Variants in PCTP observed in about 807,000 individuals in gnomAD.
PCTP encodes START domain-containing protein 2.
In PCTP, 27 loss-of-function variants were observed where a neutral mutation model predicts 31.0. That is an observed-to-expected ratio of 0.87 (90% CI 0.64 to 1.20). The LOEUF (loss-of-function observed/expected upper bound fraction) is 1.20, where lower values mean the gene tolerates loss of function less well. Among genes scored for constraint, PCTP ranks in the 50% most tolerant of loss-of-function variants. The pLI, the probability that PCTP is intolerant of heterozygous loss-of-function variation, is 0.00. For synonymous variants in PCTP, 108 were observed against 101.2 expected, an observed-to-expected ratio of 1.07 and a Z score of -0.40; for missense variants, 287 against 268.2, an observed-to-expected ratio of 1.07 and a Z score of -0.49.
At chr17:55,779,863 C>T (rs1224830192), downstream of PCTP, among the ~76,000 whole-genome samples, 2 of 152,090 alleles carry the variant, frequency 1.3e-5, no homozygotes, top group Admixed American at 1.3e-4. Context: ...AACTGAAAAA[C>T]AAAAGGCTGG....
intron 3 of PCTP, among the ~76,000 whole-genome samples, chr17:55,772,517 G>A (rs1911067148): frequency 6.6e-6 from 1 of 150,854 alleles, no homozygotes; most frequent in Admixed American, 6.6e-5. Context: ...AACCCAGGAG[G>A]TGGAGGTTGC....
At chr17:55,760,157 A>G (rs893433403) in intron 1 of PCTP, among the ~76,000 whole-genome samples, 6 of 152,178 alleles carry the variant, frequency 3.9e-5, no homozygotes, top group Non-Finnish European at 5.9e-5. Context: ...CTTCACTTAT[A>G]AAGTGGAGTT....
At chr17:55,841,224 CT>C (rs1905971428) in intron 5 of PCTP, among the ~76,000 whole-genome samples, 1 of 152,182 alleles carries the variant, frequency 6.6e-6, no homozygotes, top group Non-Finnish European at 1.5e-5. Context: ...TCTCAAAGTA[CT>C]CTGATTATTG....
At position 55,776,698 on chromosome 17, in the gene PCTP, G is replaced by T. The variant is rs1044433663; in HGVS notation, c.*598G>T. 8.2e-7 allele frequency: 1 copy of T among 1,212,964 alleles called. No individual in the cohort carries two copies. Among genetic ancestry groups the T allele is most frequent in the South Asian group, 4.3e-5 (1 of 23,318 alleles). The allele number at this position is 1,212,964 out of a possible 1,614,324, so 75.1% of individuals were successfully genotyped here. ...GTGATAATCCAGTAAGTCTTTCCTC[G>T]TTCCTACTTGTGGAGGATCAGTAGC... On this transcript the variant is annotated 3_prime_UTR_variant, in exon 6 of 6. Transcript: ENST00000268896.
At chr17:55,764,041 G>A (rs1910497651) in intron 1 of PCTP, among the ~76,000 whole-genome samples, 1 of 152,120 alleles carries the variant, frequency 6.6e-6, no homozygotes, top group African/African-American at 2.4e-5. Flanking sequence ...CGCAAATTAT[G>A]GTTGTTCTAT....
intron 3 of PCTP, among the ~76,000 whole-genome samples, chr17:55,807,396 A>G (rs1393422777): frequency 3.9e-5 from 6 of 152,178 alleles, no homozygotes; most frequent in Non-Finnish European, 8.8e-5. Flanking sequence ...GCTTGGCAAG[A>G]CTGACATATG....
chr17:55,766,765 G>T (rs561696115), intron 1 of PCTP, among the ~76,000 whole-genome samples: 352 of 152,102 alleles, frequency 2.3e-3, no homozygotes, highest in Non-Finnish European at 4.5e-3. Context: ...ATAGTCCTTT[G>T]GGTATATACC....
At chr17:55,814,450 GCT>G (rs1912850736) in intron 3 of PCTP, among the ~76,000 whole-genome samples, 1 of 152,246 alleles carries the variant, frequency 6.6e-6, no homozygotes, top group Non-Finnish European at 1.5e-5. Context: ...ACACTGAGCA[GCT>G]GCTCCTGGGG....
At chr17:55,765,589 C>T (rs1227998102) in intron 1 of PCTP, among the ~76,000 whole-genome samples, 2 of 152,232 alleles carry the variant, frequency 1.3e-5, no homozygotes, top group African/African-American at 4.8e-5. Context: ...AACTATTGCA[C>T]TGGTCTTCTC....
Position 55,776,287 on chromosome 17 carries a change from A to T in PCTP, c.*187A>T. ...ACACACTACCACATCCTTTCTAAGCATGTTTGCCTGACATCCAGCTCACTC... is the reference window on the plus strand; with the variant it reads ...ACACACTACCACATCCTTTCTAAGCTTGTTTGCCTGACATCCAGCTCACTC... On this transcript the variant is annotated 3_prime_UTR_variant, in exon 6 of 6. Transcript: ENST00000268896. 7.3e-7 allele frequency: 1 copy of T among 1,364,042 alleles called. No homozygotes were observed. The allele number at this position is 1,364,042 out of a possible 1,614,324, so 84.5% of individuals were successfully genotyped here.
intron 3 of PCTP, among the ~76,000 whole-genome samples, chr17:55,813,593 C>T (rs1339176398): frequency 2.6e-5 from 4 of 152,106 alleles, no homozygotes; most frequent in Non-Finnish European, 5.9e-5. Flanking sequence ...GGGATTACAG[C>T]TGTGAGCCAC....
chr17:55,845,487 A>C (rs1306913320), downstream of PCTP, among the ~76,000 whole-genome samples: 1 of 152,138 alleles, frequency 6.6e-6, no homozygotes, highest in African/African-American at 2.4e-5. Context: ...CGGGATGCTC[A>C]AGGGGGCAGT....
chr17:55,814,762 C>T (rs1023011748), intron 3 of PCTP, among the ~76,000 whole-genome samples: 2 of 152,182 alleles, frequency 1.3e-5, no homozygotes, highest in East Asian at 3.9e-4. Context: ...AGGGGCAAGA[C>T]AGACACAACA....
At position 55,777,157 on chromosome 17, in the gene PCTP, G is replaced by A. The variant is rs1911379345; in HGVS notation, c.*1057G>A. The A allele has an allele frequency of 2.0e-6, 2 of 985,658 alleles. No homozygotes were observed. The highest frequency in any genetic ancestry group is 2.4e-6 in the Non-Finnish European group (2 of 829,908). The allele number at this position is 985,658 out of a possible 1,614,324, so 61.1% of individuals were successfully genotyped here. A position where few individuals can be genotyped will look rare whatever the true frequency, so the allele number is the denominator to read the frequency against. On this transcript the variant is annotated 3_prime_UTR_variant, in exon 6 of 6. Coordinates refer to ENST00000268896, the MANE Select transcript of PCTP (RefSeq NM_021213.4). ...TTTCTATGCTTTCTCCTGAATTTTG[G>A]TAGGGTAAGGTATTTCTATGTCAAA...
At chr17:55,834,961 A>C (rs1905730648) in intron 5 of PCTP, among the ~76,000 whole-genome samples, 1 of 152,192 alleles carries the variant, frequency 6.6e-6, no homozygotes, top group Non-Finnish European at 1.5e-5. Flanking sequence ...AGTTAAGATA[A>C]GGTCATTCTA....
chr17:55,820,149 AT>A (rs1467776135), intron 3 of PCTP, among the ~76,000 whole-genome samples: 4 of 152,340 alleles, frequency 2.6e-5, no homozygotes, highest in Admixed American at 2.6e-4. Flanking sequence ...AAGCAAAAAA[AT>A]AAACAAAATA....
At chr17:55,770,089 A>ATTCT (rs2144954776) in intron 2 of PCTP, 1 of 152,320 alleles carries the variant, frequency 6.6e-6, no homozygotes, top group East Asian at 1.9e-4. Context: ...GGTAGAAAGA[A>ATTCT]GTTTACTGCA....
intron 3 of PCTP, among the ~76,000 whole-genome samples, chr17:55,804,814 TAAC>T (rs1215981226): frequency 1.3e-5 from 2 of 152,198 alleles, no homozygotes; most frequent in African/African-American, 4.8e-5. Context: ...TATACTTATG[TAAC>T]ATACCACACG....
At chr17:55,843,546 C>A (rs373177196), downstream of PCTP, among the ~76,000 whole-genome samples, 2 of 152,208 alleles carry the variant, frequency 1.3e-5, no homozygotes, top group Non-Finnish European at 2.9e-5. Context: ...CTAGAACATT[C>A]TTCCTGCCCT....
Sources: gnomAD v4.1 joint callset for allele counts (sites outside exome capture counted in the v4.1 genomes callset) on GRCh38, gnomAD v4.1.1 for gene constraint, MANE v1.5 for transcripts, NCBI Gene and HGNC (gene_info 2026-07-23, HGNC 2026-07-21) for gene names.